Variants in SLC5A8 observed in about 807,000 individuals in gnomAD.
SLC5A8 encodes sodium-coupled monocarboxylate transporter 1.
A neutral mutation model predicts 71.9 loss-of-function variants in SLC5A8; 55 were observed. The observed-to-expected ratio is 0.77, with a 90% confidence interval of 0.62 to 0.96. The LOEUF is 0.96. Ranked by LOEUF, SLC5A8 falls within the 40% of genes least tolerant of loss-of-function variation. The pLI is 0.00. For synonymous variants in SLC5A8, 307 were observed against 276.1 expected (o/e 1.11, Z -1.11); for missense variants, 701 against 745.3 (o/e 0.94, Z 0.69).
At chr12:101,158,188 G>A in intron 14 of SLC5A8, 61 bp downstream of exon 14, 1 of 1,127,902 alleles carries the variant, frequency 8.9e-7, no homozygotes. Context: ...GAACTAATTA[G>A]TGTTCTATCC....
At position 101,173,127 on chromosome 12, in the gene SLC5A8, G is replaced by A. The variant is rs550594774; in HGVS notation, c.1234-4945C>T. 7.2e-5 allele frequency among the ~76,000 whole-genome samples: 11 copies of A among 152,262 alleles called. 1 individual carries two copies. Among genetic ancestry groups the A allele is most frequent in the African/African-American group, 2.4e-4 (10 of 41,548 alleles). On this transcript the variant is annotated intron_variant, in intron 10 of 14. Coordinates refer to ENST00000536262, the MANE Select transcript of SLC5A8 (RefSeq NM_145913.5). ...TGTCTACCCACTCTACTCTGTGCCTGGATAAGCTCAACAGGGTCTTGAAAT... is the reference window on the plus strand; with the variant it reads ...TGTCTACCCACTCTACTCTGTGCCTAGATAAGCTCAACAGGGTCTTGAAAT...
intron 10 of SLC5A8, among the ~76,000 whole-genome samples, chr12:101,173,211 G>A (rs1285625430): frequency 1.3e-5 from 2 of 152,040 alleles, no homozygotes; most frequent in Non-Finnish European, 2.9e-5. Flanking sequence ...TGTATTTCTC[G>A]GCCTATGAGT....
intron 11 of SLC5A8, among the ~76,000 whole-genome samples, chr12:101,167,053 A>G (rs1041556344): frequency 1.3e-5 from 2 of 152,180 alleles, no homozygotes; most frequent in African/African-American, 2.4e-5. Context: ...TACCGCCCCC[A>G]GAAAAGGACA....
intron 5 of SLC5A8, among the ~76,000 whole-genome samples, chr12:101,192,450 C>T (rs77994647): frequency 7.9e-4 from 121 of 152,206 alleles, no homozygotes; most frequent in African/African-American, 2.7e-3. Flanking sequence ...AGCGGGGCTG[C>T]GATCTCAAAG....
At chr12:101,194,884 G>T (rs888798821) in intron 4 of SLC5A8, among the ~76,000 whole-genome samples, 1 of 152,146 alleles carries the variant, frequency 6.6e-6, no homozygotes, top group African/African-American at 2.4e-5. Context: ...CAATGGATCA[G>T]ATAAAAGAAA....
chr12:101,180,888 G>C (rs2051925668), intron 9 of SLC5A8, among the ~76,000 whole-genome samples: 1 of 151,948 alleles, frequency 6.6e-6, no homozygotes, highest in Non-Finnish European at 1.5e-5. Flanking sequence ...AACCACCACT[G>C]GTGGTCAGAT....
At chr12:101,185,329 G>A (rs1306975875) in intron 7 of SLC5A8, among the ~76,000 whole-genome samples, 3 of 152,256 alleles carry the variant, frequency 2.0e-5, no homozygotes, top group African/African-American at 7.2e-5. Context: ...AGCAAAAGTA[G>A]GTTCCATCTA....
Position 101,157,134 on chromosome 12 carries a change from G to C in SLC5A8, c.*145C>G, listed in dbSNP as rs1372165407. The C allele has an allele frequency of 3.5e-6, 3 of 853,228 alleles. No homozygotes were observed. The highest frequency in any genetic ancestry group is 1.7e-5 in the African/African-American group (1 of 58,742). 52.9% of individuals were successfully genotyped at this position (853,228 alleles called of 1,614,324 possible). Reference sequence around the variant, plus strand: ...ATTAATGATGTAGTAAATGAAGATAGTCCAGACTTTGTTTTAACAAAAACT... The same window carrying C: ...ATTAATGATGTAGTAAATGAAGATACTCCAGACTTTGTTTTAACAAAAACT... On this transcript the variant is annotated 3_prime_UTR_variant, in exon 15 of 15. Transcript: ENST00000536262.
intron 12 of SLC5A8, among the ~76,000 whole-genome samples, chr12:101,166,045 G>C (rs1185944244): frequency 6.6e-6 from 1 of 152,154 alleles, no homozygotes; most frequent in African/African-American, 2.4e-5. Context: ...ATGCTTTAAA[G>C]ATTTGGAATC....
At chr12:101,178,493 G>A (rs949453768) in intron 10 of SLC5A8, among the ~76,000 whole-genome samples, 4 of 152,128 alleles carry the variant, frequency 2.6e-5, no homozygotes, top group African/African-American at 9.7e-5. Flanking sequence ...AAAGAAAACA[G>A]AGAATTCAGA....
At chr12:101,195,549 A>G (rs1869134095) in intron 3 of SLC5A8, among the ~76,000 whole-genome samples, 1 of 152,214 alleles carries the variant, frequency 6.6e-6, no homozygotes, top group South Asian at 2.1e-4. Flanking sequence ...AGGATAATGT[A>G]TCATACTGAC....
chr12:101,162,564 G>GA (rs1211167928), intron 12 of SLC5A8, among the ~76,000 whole-genome samples: 2 of 152,268 alleles, frequency 1.3e-5, no homozygotes, highest in African/African-American at 2.4e-5. Flanking sequence ...ATGCAGCCAT[G>GA]AAAAAAGAAC....
intron 1 of SLC5A8, among the ~76,000 whole-genome samples, chr12:101,206,797 G>T (rs139109446): frequency 1.3e-5 from 2 of 152,320 alleles, no homozygotes; most frequent in African/African-American, 4.8e-5. Context: ...CACAGATTTA[G>T]TTGGCTCCAG....
intron 7 of SLC5A8, among the ~76,000 whole-genome samples, chr12:101,185,631 T>G (rs1450886434): frequency 6.6e-6 from 1 of 152,162 alleles, no homozygotes; most frequent in African/African-American, 2.4e-5. Context: ...CAGGTTGGAG[T>G]GCAGTGGCTC....
intron 13 of SLC5A8, among the ~76,000 whole-genome samples, chr12:101,160,829 T>C (rs557230409): frequency 3.7e-4 from 57 of 152,010 alleles, no homozygotes; most frequent in African/African-American, 1.3e-3. Flanking sequence ...ACGAGAAAAT[T>C]AGAGGAACTG....
rs202131749 is a variant in SLC5A8 at position 101,209,832 on chromosome 12, C to T, written c.17G>A (p.Gly6Asp). Residue 6 changes from glycine to aspartate, a missense_variant, in exon 1 of 15, where the codon GGC (glycine) becomes GAC (aspartate). By Grantham distance (94) the Gly-to-Asp change is moderately conservative. Transcript: ENST00000536262. MDTPRGIGTFVVWDYV... is the reference protein window; with the variant it reads MDTPRDIGTFVVWDYV... The stretch of plus-strand genomic sequence containing the variant: ...GTCCCACACCACGAAGGTGCCGATG[C>T]CCCGTGGCGTGTCCATGGCCGCACG... 41 of 1,562,786 alleles carry T rather than the reference C, an allele frequency of 2.6e-5. No individual in the cohort carries two copies. The East Asian group carries it at 2.7e-4, about 10-fold the overall frequency.
intron 12 of SLC5A8, among the ~76,000 whole-genome samples, chr12:101,165,442 C>T (rs2051760128): frequency 6.6e-6 from 1 of 152,092 alleles, no homozygotes; most frequent in Non-Finnish European, 1.5e-5. Context: ...CTCTCCCAGT[C>T]CCCTCCCATT....
intron 3 of SLC5A8, among the ~76,000 whole-genome samples, chr12:101,196,008 A>T (rs1352123585): frequency 1.3e-5 from 2 of 152,114 alleles, no homozygotes; most frequent in Admixed American, 6.6e-5. Context: ...AATGCTTTTT[A>T]AAAAACTTTT....
chr12:101,179,822 T>C (rs1331240788), intron 10 of SLC5A8, among the ~76,000 whole-genome samples: 5 of 152,204 alleles, frequency 3.3e-5, no homozygotes, highest in African/African-American at 9.7e-5. Context: ...GAGATCTCTC[T>C]GTATTATATC....
Sources: gnomAD v4.1 joint callset for allele counts (sites outside exome capture counted in the v4.1 genomes callset) on GRCh38, gnomAD v4.1.1 for gene constraint, MANE v1.5 for transcripts, NCBI Gene and HGNC (gene_info 2026-07-23, HGNC 2026-07-21) for gene names.